The following DOT1L variants were observed in gnomAD, a reference collection of about 807,000 sequenced individuals.
DOT1L encodes the protein histone-lysine N-methyltransferase, H3 lysine-79 specific.
Under a neutral mutation model 153.3 loss-of-function variants are expected in DOT1L, and 33 were observed. That is an observed-to-expected ratio of 0.22 (90% CI 0.16 to 0.29). The LOEUF (loss-of-function observed/expected upper bound fraction) is 0.29, where lower values mean the gene tolerates loss of function less well. DOT1L is among the 10% of genes least tolerant of loss of function. The probability of loss-of-function intolerance (pLI) is 1.00; values close to 1 mark genes in which losing one functional copy is unlikely to be tolerated. For synonymous variants in DOT1L, 1,135 were observed against 965.1 expected, an observed-to-expected ratio of 1.18 and a Z score of -3.26; for missense variants, 1,847 against 2,119.9, an observed-to-expected ratio of 0.87 and a Z score of 2.53.
rs930051486 is a variant in DOT1L at position 2,190,142 on chromosome 19, C to T, written c.264+347C>T. Reference sequence around the variant, plus strand: ...CTCCCCGGGCTGTGTGAATGCCGGCCTTCCCCCTTGGACCTCCCCCACACC... The same window carrying T: ...CTCCCCGGGCTGTGTGAATGCCGGCTTTCCCCCTTGGACCTCCCCCACACC... On this transcript the variant is annotated intron_variant, in intron 4 of 27. Coordinates refer to ENST00000398665, the MANE Select transcript of DOT1L (RefSeq NM_032482.3). The surrounding 1 kb of genome is among the most constrained non-coding windows in gnomAD (Gnocchi z 4.8). 7.2e-5 allele frequency among the ~76,000 whole-genome samples: 11 copies of T among 152,128 alleles called. 1 individual carries two copies. Among genetic ancestry groups the T allele is most frequent in the Admixed American group, 6.5e-4 (10 of 15,274 alleles).
Position 2,197,428 on chromosome 19 carries a change from C to T in DOT1L, c.652-2456C>T, listed in dbSNP as rs1216834644. ...CGATGGCCAGGAGGGCGCCATGGTG[C>T]CTTCCTCCGCGCGGTCTGGCTGGGC... On this transcript the variant is annotated intron_variant, in intron 7 of 27. Transcript: ENST00000398665. This position sits in a 1 kb window ranked among gnomAD's most constrained non-coding sequence, Gnocchi z 4.1. Among the ~76,000 whole-genome samples the T allele has an allele frequency of 2.0e-5, 3 of 152,196 alleles. No homozygotes were observed. The highest frequency in any genetic ancestry group is 2.9e-5 in the Non-Finnish European group (2 of 68,036).
rs553480656 is a variant in DOT1L, at chr19:2,224,462, C to CT, written c.3597-908dup. Among the ~76,000 whole-genome samples the CT allele has an allele frequency of 9.2e-3, 1,204 of 130,270 alleles. 26 individuals are homozygous for CT. The highest frequency in any genetic ancestry group is 0.026 in the African/African-American group (921 of 35,378). The allele number at this position is 130,270 out of a possible 152,430, so 85.5% of individuals were successfully genotyped here. A position where few individuals can be genotyped will look rare whatever the true frequency, so the allele number is the denominator to read the frequency against. On this transcript the variant is annotated intron_variant, in intron 25 of 27. Coordinates refer to ENST00000398665, the MANE Select transcript of DOT1L (RefSeq NM_032482.3). ...TGATATAACATGGTAGGGTTTTTTG[C>CT]TTTTTTTTTTTTTTTTTTCCTGAGA...
At chr19:2,175,557 AGT>A (rs2021887492) in intron 1 of DOT1L, among the ~76,000 whole-genome samples, 1 of 152,234 alleles carries the variant, frequency 6.6e-6, no homozygotes, top group Non-Finnish European at 1.5e-5. Flanking sequence ...GGCTGGACGC[AGT>A]GGCTCACGCC....
intron 3 of DOT1L, among the ~76,000 whole-genome samples, chr19:2,187,735 G>A (rs537147705): frequency 1.2e-3 from 175 of 152,164 alleles, no homozygotes; most frequent in African/African-American, 2.1e-3. Flanking sequence ...ATCCTCGCTA[G>A]CACAGTGAAA....
chr19:2,221,965 C>A lies in DOT1L; in HGVS notation c.2807-11C>A. 6.3e-7 allele frequency: 1 copy of A among 1,592,280 alleles called. No individual in the cohort carries two copies. Among genetic ancestry groups the A allele is most frequent in the Non-Finnish European group, 8.6e-7 (1 of 1,169,018 alleles). ...CTGTGTCCCCTGAGACCCCCATGTC[C>A]TTCCCGGCAGGCTTCTCCTACGCTG... On this transcript the variant is annotated splice_polypyrimidine_tract_variant and intron_variant, in intron 23 of 27. Coordinates refer to ENST00000398665, the MANE Select transcript of DOT1L (RefSeq NM_032482.3).
Position 2,228,596 on chromosome 19 carries a change from C to T in DOT1L, c.4607-1189C>T, listed in dbSNP as rs994800305. On this transcript the variant is annotated intron_variant, in intron 27 of 27. Coordinates refer to ENST00000398665, the MANE Select transcript of DOT1L (RefSeq NM_032482.3). ...CCTGAGTGTGTTGGGTTCCAGCTGC[C>T]CGCAGCTGGGTTCCTGCGGTGACGC... 5.1e-6 allele frequency: 5 copies of T among 985,258 alleles called. No individual in the cohort carries two copies. The African/African-American group carries it at 7.0e-5, about 14-fold the overall frequency. 61.0% of individuals were successfully genotyped at this position (985,258 alleles called of 1,614,324 possible). A position where few individuals can be genotyped will look rare whatever the true frequency, so the allele number is the denominator to read the frequency against.
At position 2,207,754 on chromosome 19, in the gene DOT1L, C is replaced by T; in HGVS notation, c.963+74C>T. The T allele has an allele frequency of 1.5e-6, 2 of 1,367,518 alleles. No homozygotes were observed. The highest frequency in any genetic ancestry group is 1.0e-6 in the Non-Finnish European group (1 of 1,003,808). The allele number at this position is 1,367,518 out of a possible 1,614,324, so 84.7% of individuals were successfully genotyped here. On this transcript the variant is annotated intron_variant, in intron 11 of 27. Coordinates refer to ENST00000398665, the MANE Select transcript of DOT1L (RefSeq NM_032482.3). This position sits in a 1 kb window ranked among gnomAD's most constrained non-coding sequence, Gnocchi z 4.5. Reference sequence around the variant, plus strand: ...CCCGCCCACGTCACACTGCTCTCTCCTTTCTCATGTGGCCTCTGAGACCCT... The same window carrying T: ...CCCGCCCACGTCACACTGCTCTCTCTTTTCTCATGTGGCCTCTGAGACCCT...
At chr19:2,199,859 CG>C (rs749992646) in intron 7 of DOT1L, 24 bp from the exon 8 acceptor site, 1 of 1,611,888 alleles carries the variant, frequency 6.2e-7, no homozygotes, top group Non-Finnish European at 8.5e-7. Context: ...CGGGGGTCCG[CG>C]CTCACACCTG....
chr19:2,227,917 C>CGCCTCCGCCTCCCCCGCT, intron 27 of DOT1L: 1 of 1,210,076 alleles, frequency 8.3e-7, no homozygotes, highest in Non-Finnish European at 1.0e-6. Flanking sequence ...CCTCCGCCTC[C>CGCCTCCGCCTCCCCCGCT]GCCTCCGCCT....
rs1360978473 is a variant in DOT1L, at chr19:2,191,506, T to TCCTGCTTC, written c.493+269_493+276dup. On this transcript the variant is annotated intron_variant, in intron 5 of 27. Transcript: ENST00000398665. The surrounding 1 kb of genome is among the most constrained non-coding windows in gnomAD (Gnocchi z 6.8). ...CAGGTGCCCGGAGACTCTGCTTTCGTCCTGCTTCCCACCAGCTGGGGAGCT... is the reference window on the plus strand; with the variant it reads ...CAGGTGCCCGGAGACTCTGCTTTCGTCCTGCTTCCCTGCTTCCCACCAGCTGGGGAGCT... Among the ~76,000 whole-genome samples the TCCTGCTTC allele has an allele frequency of 6.6e-6, 1 of 151,938 alleles. No homozygotes were observed. The highest frequency in any genetic ancestry group is 1.5e-5 in the Non-Finnish European group (1 of 67,970).
In DOT1L at chr19:2,179,907, CA is replaced by C. The variant is rs373483642; in HGVS notation, c.82-805del. On this transcript the variant is annotated intron_variant, in intron 1 of 27. Transcript: ENST00000398665. Reference sequence around the variant, plus strand: ...AGCCTGTTGTGGGTTTATATCAGCACAGTAGCACGCAGACGCGACGAAAGTG... The same window carrying C: ...AGCCTGTTGTGGGTTTATATCAGCACGTAGCACGCAGACGCGACGAAAGTG... Among the ~76,000 whole-genome samples the C allele has an allele frequency of 2.5e-3, 380 of 152,238 alleles. 5 individuals carry two copies. The highest frequency in any genetic ancestry group is 8.9e-3 in the African/African-American group (371 of 41,548).
At chr19:2,203,110 A>T (rs1161150525) in intron 9 of DOT1L, among the ~76,000 whole-genome samples, 1 of 149,418 alleles carries the variant, frequency 6.7e-6, no homozygotes, top group Non-Finnish European at 1.5e-5. Flanking sequence ...ATTTTATTTT[A>T]TTTATTTTTT....
rs772216964 is a variant in DOT1L at position 2,227,144 on chromosome 19, T to C, written c.4606+17T>C. 1 of 1,554,074 alleles carries C rather than the reference T, an allele frequency of 6.4e-7. No individual in the cohort carries two copies. Among genetic ancestry groups the C allele is most frequent in the Non-Finnish European group, 8.6e-7 (1 of 1,160,280 alleles). Reference sequence around the variant, plus strand: ...CAGTTGGAGGTAGGCAGGGCGGCCGTCCGTCCGCCCCCCGCCCCGGCCCCC... The same window carrying C: ...CAGTTGGAGGTAGGCAGGGCGGCCGCCCGTCCGCCCCCCGCCCCGGCCCCC... On this transcript the variant is annotated intron_variant, in intron 27 of 27. Transcript: ENST00000398665.
chr19:2,199,739 C>A, intron 7 of DOT1L, 145 bp from the exon 8 acceptor site: 1 of 1,092,160 alleles, frequency 9.2e-7, no homozygotes, highest in Non-Finnish European at 1.3e-6. Context: ...GCTCCCAGGG[C>A]TGCAGCCGGT....
rs2024571068 is a variant in DOT1L, at chr19:2,230,914, C to G, written c.*1122C>G. The G allele has an allele frequency of 1.0e-5, 3 of 289,462 alleles. No homozygotes were observed. The highest frequency in any genetic ancestry group is 1.9e-5 in the Non-Finnish European group (3 of 156,736). 17.9% of individuals were successfully genotyped at this position (289,462 alleles called of 1,614,324 possible). A position where few individuals can be genotyped will look rare whatever the true frequency, so the allele number is the denominator to read the frequency against. On this transcript the variant is annotated 3_prime_UTR_variant, in exon 28 of 28. Coordinates refer to ENST00000398665, the MANE Select transcript of DOT1L (RefSeq NM_032482.3). ...ACGCCTGGCACCCATCCCTTGGAGC[C>G]TGTGCTGGTTCTCCCAGCTGCTGTG...
At chr19:2,176,793 G>A (rs1205211414) in intron 1 of DOT1L, among the ~76,000 whole-genome samples, 1 of 152,198 alleles carries the variant, frequency 6.6e-6, no homozygotes, top group East Asian at 1.9e-4. Context: ...GAAACCAGGC[G>A]AGGCAGGGCC....
chr19:2,181,440 C>T (rs1016143772), intron 2 of DOT1L, among the ~76,000 whole-genome samples: 1 of 152,194 alleles, frequency 6.6e-6, no homozygotes, highest in African/African-American at 2.4e-5. Context: ...GCCATAAGGG[C>T]CATGCTGAGC....
rs1256494628 is a variant in DOT1L, at chr19:2,190,709, G to A, written c.265-303G>A. Among the ~76,000 whole-genome samples, 1 of 152,050 alleles carries A rather than the reference G, an allele frequency of 6.6e-6. No individual in the cohort carries two copies. On this transcript the variant is annotated intron_variant, in intron 4 of 27. Transcript: ENST00000398665. The surrounding 1 kb of genome is among the most constrained non-coding windows in gnomAD (Gnocchi z 4.8). ...GCTGCCTTGGCCCAGAGGAGGGGTG[G>A]TGGTCTTGGTGGCCTGTGTGGTTTT... is the stretch of plus-strand genomic sequence containing the variant.
chr19:2,187,502 A>G (rs1384226147), intron 3 of DOT1L, among the ~76,000 whole-genome samples: 2 of 152,242 alleles, frequency 1.3e-5, no homozygotes, highest in Admixed American at 1.3e-4. Flanking sequence ...CTTCAGACCA[A>G]GGACAGCCCC....
Sources: allele counts gnomAD v4.1 joint callset (sites outside exome capture counted in the v4.1 genomes callset), GRCh38; gene constraint gnomAD v4.1.1; non-coding constraint Gnocchi (gnomAD v3.1); transcripts MANE v1.5; gene names NCBI Gene and HGNC (gene_info 2026-07-23, HGNC 2026-07-21).